COLEC10: variants seen among roughly 807,000 people sequenced by gnomAD.
COLEC10 encodes collectin subfamily member 10.
COLEC10 carries 22 observed loss-of-function variants against 28.4 expected under a neutral mutation model. That is an observed-to-expected ratio of 0.78 (90% CI 0.55 to 1.11). The LOEUF (loss-of-function observed/expected upper bound fraction) is 1.11. Among genes scored for constraint, COLEC10 ranks in the 50% least tolerant of loss-of-function variants. COLEC10 has a pLI of 0.00. For synonymous variants in COLEC10, 125 were observed against 116.1 expected, an observed-to-expected ratio of 1.08 and a Z score of -0.49; for missense variants, 361 against 344.1, an observed-to-expected ratio of 1.05 and a Z score of -0.39.
the COLEC10 span, among the ~76,000 whole-genome samples, chr8:118,965,389 A>G: frequency 6.6e-6 from 1 of 152,006 alleles, no homozygotes; most frequent in African/African-American, 2.4e-5. Context: ...TACTTTTTAC[A>G]CTTTATTTTT....
intron 2 of COLEC10, among the ~76,000 whole-genome samples, chr8:119,030,118 G>T (rs1368704496): frequency 3.9e-5 from 6 of 152,116 alleles, no homozygotes; most frequent in African/African-American, 2.4e-5. Context: ...ACTAGAGATT[G>T]TTAAAGGTGT....
intron 1 of COLEC10, among the ~76,000 whole-genome samples, chr8:119,073,413 A>G (rs762883180): frequency 4.6e-5 from 7 of 152,210 alleles, no homozygotes; most frequent in Non-Finnish European, 1.0e-4. Flanking sequence ...TAAGTTGCTG[A>G]TTCTTTTCTG....
At chr8:119,084,675 A>G (rs1431152584) in intron 1 of COLEC10, among the ~76,000 whole-genome samples, 1 of 152,240 alleles carries the variant, frequency 6.6e-6, no homozygotes, top group Non-Finnish European at 1.5e-5. Context: ...TAATATGTTT[A>G]TATAGGAGTT....
In COLEC10 at chr8:119,107,666, G is replaced by A. The variant is rs1318639792; in HGVS notation, c.*1475G>A. Among the ~76,000 whole-genome samples, 2 of 152,172 alleles carry A rather than the reference G, an allele frequency of 1.3e-5. No homozygotes were observed. The highest frequency in any genetic ancestry group is 3.9e-4 in the East Asian group (2 of 5,184). On this transcript the variant is annotated 3_prime_UTR_variant, in exon 6 of 6. Coordinates refer to ENST00000332843, the MANE Select transcript of COLEC10 (RefSeq NM_006438.5). Reference sequence around the variant, plus strand: ...TAAACTCAGATCCTACAGGGGCCAGGCAGATGACTTACCTAAATGAAGTGG... The same window carrying A: ...TAAACTCAGATCCTACAGGGGCCAGACAGATGACTTACCTAAATGAAGTGG...
the COLEC10 span, among the ~76,000 whole-genome samples, chr8:118,987,388 AC>A: frequency 1.3e-5 from 2 of 152,042 alleles, no homozygotes; most frequent in Non-Finnish European, 2.9e-5. Context: ...ACAGGGCAAA[AC>A]CCTGTCTCTA....
At chr8:119,022,219 G>C (rs950124380) in intron 2 of COLEC10, among the ~76,000 whole-genome samples, 1 of 152,128 alleles carries the variant, frequency 6.6e-6, no homozygotes, top group African/African-American at 2.4e-5. Flanking sequence ...TGGATTCTAT[G>C]TGTTCTGTGA....
At chr8:119,066,284 T>C (rs928670557), upstream of COLEC10, among the ~76,000 whole-genome samples, 2 of 152,204 alleles carry the variant, frequency 1.3e-5, no homozygotes, top group Non-Finnish European at 2.9e-5. Flanking sequence ...GGTTCCAATC[T>C]TCCAATATCT....
At chr8:119,013,736 A>C (rs1255759362) in intron 2 of COLEC10, among the ~76,000 whole-genome samples, 1 of 150,326 alleles carries the variant, frequency 6.7e-6, no homozygotes, top group Non-Finnish European at 1.5e-5. Flanking sequence ...CCTTTTTCCT[A>C]ATTACTCTCC....
intron 2 of COLEC10, among the ~76,000 whole-genome samples, chr8:119,030,571 T>G (rs1276686619): frequency 6.6e-6 from 1 of 152,194 alleles, no homozygotes; most frequent in African/African-American, 2.4e-5. Context: ...TGACTCATCA[T>G]GTGAATATAA....
intron 2 of COLEC10, among the ~76,000 whole-genome samples, chr8:119,056,375 A>G (rs1814761759): frequency 6.6e-6 from 1 of 152,062 alleles, no homozygotes; most frequent in Non-Finnish European, 1.5e-5. Context: ...TTTTACCCCA[A>G]AAGTTTTCTG....
At chr8:119,061,338 G>A (rs1814850924) in intron 2 of COLEC10, among the ~76,000 whole-genome samples, 1 of 151,552 alleles carries the variant, frequency 6.6e-6, no homozygotes, top group African/African-American at 2.4e-5. Context: ...AATACTGATG[G>A]ACAATTATTT....
the COLEC10 span, among the ~76,000 whole-genome samples, chr8:118,979,283 C>G: frequency 1.3e-5 from 2 of 151,996 alleles, no homozygotes; most frequent in Non-Finnish European, 2.9e-5. Context: ...GTACCAAACC[C>G]TTATGTAAAC....
chr8:119,028,527 A>G (rs1333180359), intron 2 of COLEC10, among the ~76,000 whole-genome samples: 3 of 152,090 alleles, frequency 2.0e-5, no homozygotes, highest in Admixed American at 6.5e-5. Context: ...CCCCTGATAA[A>G]CCCATCAGAT....
At chr8:119,000,530 G>T (rs1418674413) in intron 1 of COLEC10, among the ~76,000 whole-genome samples, 1 of 152,118 alleles carries the variant, frequency 6.6e-6, no homozygotes, top group African/African-American at 2.4e-5. Flanking sequence ...AGAGGGGAGA[G>T]AAGTAAAGTT....
chr8:119,089,834 G>C (rs1440432109), intron 2 of COLEC10, 83 bp downstream of exon 2: 7 of 1,110,386 alleles, frequency 6.3e-6, no homozygotes, highest in Non-Finnish European at 8.1e-6. Flanking sequence ...GAAATTAGCA[G>C]CTTTCATAAT....
At chr8:119,076,381 C>T (rs1428901464) in intron 1 of COLEC10, among the ~76,000 whole-genome samples, 1 of 151,880 alleles carries the variant, frequency 6.6e-6, no homozygotes, top group East Asian at 1.9e-4. Flanking sequence ...CCTGCCTCAG[C>T]CTCCTGAGTA....
chr8:118,961,776 T>G, the COLEC10 span, among the ~76,000 whole-genome samples: 1 of 152,220 alleles, frequency 6.6e-6, no homozygotes, highest in East Asian at 1.9e-4. Flanking sequence ...CTAATGGTTC[T>G]TGACCTTTAA....
chr8:118,964,230 T>C, the COLEC10 span, among the ~76,000 whole-genome samples: 1 of 152,212 alleles, frequency 6.6e-6, no homozygotes, highest in Non-Finnish European at 1.5e-5. Context: ...ATTTTCTCCC[T>C]TCTTGCCACA....
intron 1 of COLEC10, among the ~76,000 whole-genome samples, chr8:119,079,003 AC>A (rs1587047478): frequency 6.8e-5 from 1 of 14,730 alleles, no homozygotes; most frequent in South Asian, 1.3e-3. Flanking sequence ...ACACACACAC[AC>A]ACACACACAC....
Sources: gnomAD v4.1 joint callset for allele counts (sites outside exome capture counted in the v4.1 genomes callset) on GRCh38, gnomAD v4.1.1 for gene constraint, MANE v1.5 for transcripts, NCBI Gene and HGNC (gene_info 2026-07-23, HGNC 2026-07-21) for gene names.